The following ZCWPW2 variants were observed in gnomAD, a reference collection of about 807,000 sequenced individuals.
ZCWPW2 encodes the protein zinc finger CW-type PWWP domain protein 2.
In ZCWPW2, 45 loss-of-function variants were observed where a neutral mutation model predicts 46.6. The ratio of observed to expected loss-of-function variants is 0.96; its 90% CI spans 0.76 to 1.24. The LOEUF is 1.24. Among genes scored for constraint, ZCWPW2 ranks in the 50% most tolerant of loss-of-function variants. ZCWPW2 has a pLI of 0.00. For missense variants in ZCWPW2, 429 were observed against 403.9 expected (o/e 1.06, Z -0.53); for synonymous variants, 152 against 137.1 (o/e 1.11, Z -0.76).
intron 1 of ZCWPW2, among the ~76,000 whole-genome samples, chr3:28,353,227 T>C (rs1704620928): frequency 6.6e-6 from 1 of 152,156 alleles, no homozygotes; most frequent in African/African-American, 2.4e-5. Context: ...AATTATAATT[T>C]GTTATATGTT....
intron 1 of ZCWPW2, among the ~76,000 whole-genome samples, chr3:28,373,753 G>A (rs1559478245): frequency 6.6e-6 from 1 of 152,088 alleles, no homozygotes; most frequent in African/African-American, 2.4e-5. Flanking sequence ...GGGATTACAG[G>A]TGTGACCCAC....
intron 2 of ZCWPW2, among the ~76,000 whole-genome samples, chr3:28,403,772 CA>C (rs892375973): frequency 6.6e-6 from 1 of 151,176 alleles, no homozygotes; most frequent in Non-Finnish European, 1.5e-5. Context: ...TTTGACAAAG[CA>C]AAAAAAACAT....
At chr3:28,517,931 T>C (rs1262999837) in intron 8 of ZCWPW2, among the ~76,000 whole-genome samples, 2 of 151,786 alleles carry the variant, frequency 1.3e-5, no homozygotes, top group South Asian at 2.1e-4. Flanking sequence ...ATGTCAGGAG[T>C]TCATGACGAG....
intron 4 of ZCWPW2, among the ~76,000 whole-genome samples, chr3:28,443,935 C>T (rs1697873681): frequency 6.6e-6 from 1 of 152,140 alleles, no homozygotes; most frequent in South Asian, 2.1e-4. Flanking sequence ...GGACCCCTTC[C>T]TCTACATTGA....
intron 4 of ZCWPW2, among the ~76,000 whole-genome samples, chr3:28,468,374 A>T (rs1298475014): frequency 6.6e-6 from 1 of 152,134 alleles, no homozygotes; most frequent in Non-Finnish European, 1.5e-5. Context: ...GAAGTAAAGA[A>T]AGAGATAGTG....
intron 1 of ZCWPW2, 136 bp from the exon 2 acceptor site, chr3:28,390,362 A>T: frequency 1.5e-6 from 1 of 652,912 alleles, no homozygotes; most frequent in Non-Finnish European, 1.9e-6. Context: ...AAATTCCAAA[A>T]TTTCCTACCC....
At chr3:28,465,914 A>G (rs892513684) in intron 4 of ZCWPW2, among the ~76,000 whole-genome samples, 2 of 152,178 alleles carry the variant, frequency 1.3e-5, no homozygotes, top group African/African-American at 2.4e-5. Context: ...TAGCAAATAC[A>G]TGGAATCAAC....
intron 5 of ZCWPW2, among the ~76,000 whole-genome samples, chr3:28,491,080 C>G (rs1699796152): frequency 6.6e-6 from 1 of 152,008 alleles, no homozygotes; most frequent in Non-Finnish European, 1.5e-5. Context: ...AACCATAATA[C>G]AAGGAAGAAA....
intron 3 of ZCWPW2, among the ~76,000 whole-genome samples, chr3:28,420,793 A>G (rs998291053): frequency 1.3e-5 from 2 of 151,682 alleles, no homozygotes; most frequent in African/African-American, 2.4e-5. Flanking sequence ...ATGAGTTCTT[A>G]TTTGTTCGGA....
At chr3:28,478,982 G>T (rs2125804641) in intron 5 of ZCWPW2, 51 bp downstream of exon 5, 1 of 1,208,868 alleles carries the variant, frequency 8.3e-7, no homozygotes, top group Non-Finnish European at 1.2e-6. Flanking sequence ...TTATTCAAAT[G>T]CATGTTTTCC....
chr3:28,400,735 A>G (rs534068351), intron 2 of ZCWPW2, among the ~76,000 whole-genome samples: 10 of 152,324 alleles, frequency 6.6e-5, no homozygotes, highest in Admixed American at 3.3e-4. Flanking sequence ...CATACAAACA[A>G]ATGCTAAGAT....
chr3:28,413,482 C>T, intron 3 of ZCWPW2, 82 bp downstream of exon 3: 2 of 1,214,284 alleles, frequency 1.6e-6, no homozygotes, highest in Non-Finnish European at 1.1e-6. Context: ...GAAGACTAAA[C>T]ATTTTTCTTT....
chr3:28,382,464 A>G (rs933075612), intron 1 of ZCWPW2, among the ~76,000 whole-genome samples: 1 of 152,152 alleles, frequency 6.6e-6, no homozygotes, highest in African/African-American at 2.4e-5. Flanking sequence ...TAAAGACCCT[A>G]ACTCCAAGTA....
intron 4 of ZCWPW2, among the ~76,000 whole-genome samples, chr3:28,468,441 T>C (rs1698910180): frequency 6.6e-6 from 1 of 152,068 alleles, no homozygotes; most frequent in South Asian, 2.1e-4. Context: ...TAGAGAAAGA[T>C]ATCAGTATCC....
intron 4 of ZCWPW2, among the ~76,000 whole-genome samples, chr3:28,445,004 C>T (rs559447255): frequency 6.6e-6 from 1 of 152,000 alleles, no homozygotes; most frequent in South Asian, 2.1e-4. Context: ...CCTTAGCATT[C>T]TGGGGTCTAT....
intron 5 of ZCWPW2, among the ~76,000 whole-genome samples, chr3:28,486,438 A>G (rs1420378666): frequency 6.6e-6 from 1 of 151,958 alleles, no homozygotes; most frequent in Non-Finnish European, 1.5e-5. Flanking sequence ...CTTTGTGTAG[A>G]TCTGAATTTC....
Position 28,489,668 on chromosome 3 carries a change from GCACACACACACACA to G in ZCWPW2, c.611-2435_611-2422del, listed in dbSNP as rs1209352772. Among the ~76,000 whole-genome samples, 9 of 39,586 alleles carry G rather than the reference GCACACACACACACA, an allele frequency of 2.3e-4. No homozygotes were observed. The Middle Eastern group carries it at 0.038, about 169-fold the overall frequency. The allele number at this position is 39,586 out of a possible 152,430, so 26.0% of individuals were successfully genotyped here. On this transcript the variant is annotated intron_variant, in intron 5 of 9. Transcript: ENST00000383768. ...CTCTCTCTTTCACACACACACGCGC[GCACACACACACACA>G]CACACACACACACACACACACACCC...
chr3:28,436,648 T>C (rs879469344), intron 4 of ZCWPW2, among the ~76,000 whole-genome samples: 2 of 152,180 alleles, frequency 1.3e-5, no homozygotes, highest in Non-Finnish European at 2.9e-5. Context: ...TTTATACTAT[T>C]CAGTTTGAAG....
chr3:28,508,550 C>T (rs1367781840), intron 6 of ZCWPW2, among the ~76,000 whole-genome samples: 1 of 152,078 alleles, frequency 6.6e-6, no homozygotes, highest in Non-Finnish European at 1.5e-5. Flanking sequence ...CAGAGTCGCA[C>T]TCCATCACCC....
Sources: allele counts gnomAD v4.1 joint callset (sites outside exome capture counted in the v4.1 genomes callset), GRCh38; gene constraint gnomAD v4.1.1; transcripts MANE v1.5; gene names NCBI Gene and HGNC (gene_info 2026-07-23, HGNC 2026-07-21).